Variants in USP43 observed in about 807,000 individuals in gnomAD.
USP43 encodes ubiquitin specific peptidase 43.
Under a neutral mutation model 90.7 loss-of-function variants are expected in USP43, and 33 were observed. That is an observed-to-expected ratio of 0.36 (90% CI 0.28 to 0.49). The LOEUF (loss-of-function observed/expected upper bound fraction) is 0.49. Ranked by LOEUF, USP43 falls within the 20% of genes least tolerant of loss-of-function variation. The pLI is 0.98. For synonymous variants in USP43, 598 were observed against 615.8 expected (o/e 0.97, Z 0.43); for missense variants, 1,274 against 1,476.4 (o/e 0.86, Z 2.25).
At chr17:9,715,925 CTG>C (rs371854425) in intron 14 of USP43, among the ~76,000 whole-genome samples, 21 of 145,092 alleles carry the variant, frequency 1.4e-4, no homozygotes, top group African/African-American at 4.6e-4. Flanking sequence ...GTATATGTGT[CTG>C]TGTGTGTGTT....
intron 12 of USP43, among the ~76,000 whole-genome samples, chr17:9,708,134 G>A (rs916390272): frequency 6.6e-6 from 1 of 152,232 alleles, no homozygotes; most frequent in African/African-American, 2.4e-5. Context: ...AAAGCATTCG[G>A]TGTGTTTAAG....
chr17:9,697,217 A>G (rs761043418), intron 9 of USP43, among the ~76,000 whole-genome samples: 1 of 152,162 alleles, frequency 6.6e-6, no homozygotes, highest in Non-Finnish European at 1.5e-5. Flanking sequence ...ACTCTGTCTC[A>G]AAAATAAATA....
intron 2 of USP43, among the ~76,000 whole-genome samples, chr17:9,658,333 AT>A (rs201822596): frequency 0.014 from 2,143 of 151,620 alleles, 44 homozygotes; most frequent in African/African-American, 0.049. Context: ...TTACCTTTCT[AT>A]TTTTTTTCTC....
At chr17:9,649,092 G>A (rs536147259) in intron 1 of USP43, among the ~76,000 whole-genome samples, 3 of 151,918 alleles carry the variant, frequency 2.0e-5, no homozygotes, top group Non-Finnish European at 4.4e-5. Flanking sequence ...CTGGGCTCAA[G>A]CGATCCTCCT....
chr17:9,651,570 C>T (rs1466099418), intron 1 of USP43, among the ~76,000 whole-genome samples: 1 of 152,170 alleles, frequency 6.6e-6, no homozygotes, highest in Non-Finnish European at 1.5e-5. Flanking sequence ...CTCCTTCTCC[C>T]ACCCCAATAT....
At chr17:9,652,738 G>C (rs2151961893) in intron 1 of USP43, among the ~76,000 whole-genome samples, 1 of 152,024 alleles carries the variant, frequency 6.6e-6, no homozygotes, top group Admixed American at 6.6e-5. Context: ...AGAAATACCT[G>C]CCAAATACTT....
rs1391067913 is a variant in USP43 at position 9,645,519 on chromosome 17, A to T, written c.-114A>T. On this transcript the variant is annotated 5_prime_UTR_variant, in exon 1 of 15. Coordinates refer to ENST00000285199, the MANE Select transcript of USP43 (RefSeq NM_153210.5). This position sits in a 1 kb window ranked among gnomAD's most constrained non-coding sequence, Gnocchi z 6.8. ...CTCCGCCTCCGCCCCGTCCCCGCAC[A>T]CCTGGCCCGCAGGTAGCCGGCACCA... 1.0e-6 allele frequency: 1 copy of T among 998,954 alleles called. No individual in the cohort carries two copies. The highest frequency in any genetic ancestry group is 1.7e-5 in the African/African-American group (1 of 58,068). 61.9% of individuals were successfully genotyped at this position (998,954 alleles called of 1,614,324 possible).
In USP43 at chr17:9,680,260, A is replaced by G. The variant is rs769332117; in HGVS notation, c.999A>G (p.Gly333=). The G allele has an allele frequency of 6.2e-7, 1 of 1,613,746 alleles. No individual in the cohort carries two copies. Among genetic ancestry groups the G allele is most frequent in the Non-Finnish European group, 8.5e-7 (1 of 1,179,836 alleles). Residue 333 remains glycine (G), a synonymous_variant, in exon 6 of 15, where the codon GGA becomes GGG. Coordinates refer to ENST00000285199, the MANE Select transcript of USP43 (RefSeq NM_153210.5). Reference sequence around the variant, plus strand: ...TCTTGGTTGAACTGTATCCCAGTGGATTCCAGCGGTCTTTCTTTGATGAAG... The same window carrying G: ...TCTTGGTTGAACTGTATCCCAGTGGGTTCCAGCGGTCTTTCTTTGATGAAG... The part of the protein sequence containing the change: ...EVILVELYPS[G]FQRSFFDEED...
At chr17:9,663,692 C>T (rs1196361055) in intron 2 of USP43, among the ~76,000 whole-genome samples, 3 of 152,166 alleles carry the variant, frequency 2.0e-5, no homozygotes, top group Non-Finnish European at 4.4e-5. Context: ...GTCGCAATCT[C>T]GGCTCACTGC....
rs368390814 is a variant in USP43 at position 9,676,770 on chromosome 17, C to G, written c.858C>G (p.Phe286Leu). ...QTRFLSVTLV[F>L]PSKSQRFLRV... ...GGTTCTTGAGTGTCACCTTGGTCTT[C>G]CCCTCTAAGAGCCAGCGGTTCCTGC... Residue 286 changes from phenylalanine to leucine, a missense_variant, in exon 5 of 15, where the codon TTC becomes TTG. By Grantham distance (22) the Phe-to-Leu change is conservative (BLOSUM62 0). Around this residue, in one of 6 missense-constraint regions of USP43, gnomAD observed 259 missense variants for 373.7 expected, o/e 0.69. Coordinates refer to ENST00000285199, the MANE Select transcript of USP43 (RefSeq NM_153210.5). 5.8e-5 allele frequency: 93 copies of G among 1,613,726 alleles called. No homozygotes were observed. In the African/African-American group the frequency reaches 1.1e-3, roughly 19 times the overall value.
At chr17:9,668,911 C>A (rs1913213451) in intron 3 of USP43, among the ~76,000 whole-genome samples, 1 of 152,162 alleles carries the variant, frequency 6.6e-6, no homozygotes, top group African/African-American at 2.4e-5. Flanking sequence ...TCTTGGTTCA[C>A]TGCAACCTCC....
chr17:9,723,262 T>C (rs1917059866), intron 14 of USP43, among the ~76,000 whole-genome samples: 1 of 152,108 alleles, frequency 6.6e-6, no homozygotes, highest in Admixed American at 6.5e-5. Context: ...CCCTTGACCT[T>C]GGAGTTTAGA....
At chr17:9,652,431 G>A (rs1311946725) in intron 1 of USP43, among the ~76,000 whole-genome samples, 4 of 151,016 alleles carry the variant, frequency 2.6e-5, no homozygotes, top group South Asian at 2.1e-4. Context: ...GCACCATCTC[G>A]GCTCACTGCA....
chr17:9,653,529 A>G (rs1912019343), intron 1 of USP43, among the ~76,000 whole-genome samples: 1 of 152,150 alleles, frequency 6.6e-6, no homozygotes, highest in Admixed American at 6.5e-5. Flanking sequence ...CCAAGGTTGC[A>G]GTGAGCCAAG....
At chr17:9,724,215 G>A (rs956943353) in intron 14 of USP43, among the ~76,000 whole-genome samples, 4 of 152,098 alleles carry the variant, frequency 2.6e-5, no homozygotes, top group Admixed American at 2.0e-4. Flanking sequence ...TCCCCGCTTC[G>A]TCCTGCTGGT....
chr17:9,679,588 C>T (rs182846797), intron 5 of USP43, among the ~76,000 whole-genome samples: 126 of 145,870 alleles, frequency 8.6e-4, no homozygotes, highest in Admixed American at 7.5e-3. Flanking sequence ...TGCAGTGGCA[C>T]GATCTCGGCT....
intron 12 of USP43, among the ~76,000 whole-genome samples, chr17:9,705,581 C>A (rs1244124311): frequency 1.3e-5 from 2 of 151,448 alleles, no homozygotes; most frequent in African/African-American, 2.4e-5. Context: ...ATGGTGAAAC[C>A]CTGTCTCTAC....
intron 5 of USP43, 63 bp from the exon 6 acceptor site, chr17:9,680,168 G>A (rs1171293620): frequency 6.3e-7 from 1 of 1,581,764 alleles, no homozygotes; most frequent in East Asian, 2.2e-5. Context: ...GTCACTTTTA[G>A]ATTTCTTATC....
intron 1 of USP43, among the ~76,000 whole-genome samples, chr17:9,646,352 T>G (rs975566538): frequency 5.3e-5 from 8 of 151,934 alleles, no homozygotes; most frequent in African/African-American, 1.7e-4. Context: ...TGAGAGGGAG[T>G]GGGGTGAGCT....
Sources: allele counts gnomAD v4.1 joint callset (sites outside exome capture counted in the v4.1 genomes callset), GRCh38; gene constraint gnomAD v4.1.1; regional missense constraint gnomAD v4.1.1; non-coding constraint Gnocchi (gnomAD v3.1); transcripts MANE v1.5; gene names NCBI Gene and HGNC (gene_info 2026-07-23, HGNC 2026-07-21).